The following VPS41 variants were observed in gnomAD, a reference collection of about 807,000 sequenced individuals.
The protein encoded by VPS41 is VPS41 subunit of HOPS complex.
In VPS41, 85 loss-of-function variants were observed where a neutral mutation model predicts 130.9. The observed-to-expected ratio is 0.65, with a 90% CI of 0.55 to 0.78. The LOEUF is 0.78. Among genes scored for constraint, VPS41 ranks in the 30% least tolerant of loss-of-function variants. The probability of loss-of-function intolerance (pLI) is 0.00; values close to 1 mark genes in which losing one functional copy is unlikely to be tolerated. For synonymous variants in VPS41, 335 were observed against 332.9 expected, an observed-to-expected ratio of 1.01 and a Z score of -0.07; for missense variants, 874 against 1,018.7, an observed-to-expected ratio of 0.86 and a Z score of 1.93.
At chr7:38,869,021 A>ATGCT in intron 3 of VPS41, 125 bp downstream of exon 3, 1 of 674,128 alleles carries the variant, frequency 1.5e-6, no homozygotes, top group Non-Finnish European at 2.5e-6. Flanking sequence ...AAGGAGGAAG[A>ATGCT]GAGCAGTGGC....
intron 13 of VPS41, among the ~76,000 whole-genome samples, 156 bp from the exon 14 acceptor site, chr7:38,771,410 C>G (rs1784151720): frequency 6.6e-6 from 1 of 152,058 alleles, no homozygotes; most frequent in South Asian, 2.1e-4. Context: ...CTCCATTTTC[C>G]CATGGCTTTT....
intron 14 of VPS41, among the ~76,000 whole-genome samples, 157 bp downstream of exon 14, chr7:38,771,041 T>A (rs1784143592): frequency 1.3e-5 from 2 of 152,188 alleles, no homozygotes; most frequent in Admixed American, 1.3e-4. Context: ...AAGCAGAAAC[T>A]GATTTGATAA....
intron 4 of VPS41, among the ~76,000 whole-genome samples, chr7:38,841,767 C>T (rs185266281): frequency 6.6e-6 from 1 of 152,210 alleles, no homozygotes; most frequent in Non-Finnish European, 1.5e-5. Flanking sequence ...CCACACCCAG[C>T]TAATTGTTGT....
rs755093971 is a variant in VPS41, at chr7:38,757,008, A to C, written c.1551-26T>G. 3 of 1,535,652 alleles carry C rather than the reference A, an allele frequency of 2.0e-6. No individual in the cohort carries two copies. The African/African-American group carries it at 4.1e-5, about 21-fold the overall frequency. On this transcript the variant is annotated intron_variant, in intron 18 of 28. Transcript: ENST00000310301. ...CTGGTAATACAAATTTTTTACATTA[A>C]TATTCATCAACAGTTCTAATTAAAA... is the stretch of plus-strand genomic sequence containing the variant.
At chr7:38,898,448 A>G (rs1787062808) in intron 1 of VPS41, among the ~76,000 whole-genome samples, 1 of 152,188 alleles carries the variant, frequency 6.6e-6, no homozygotes, top group Admixed American at 6.5e-5. Flanking sequence ...CAGCCTCACT[A>G]ATCTCAGAAG....
chr7:38,726,776 A>G, intron 28 of VPS41, 133 bp downstream of exon 28: 1 of 688,774 alleles, frequency 1.5e-6, no homozygotes, highest in Non-Finnish European at 2.2e-6. Context: ...AATTTTTGTT[A>G]TGTGATATAA....
At chr7:38,741,872 G>A in intron 25 of VPS41, 113 bp downstream of exon 25, 1 of 1,207,384 alleles carries the variant, frequency 8.3e-7, no homozygotes. Flanking sequence ...TAAATAAAAT[G>A]TAACCATAAA....
At chr7:38,786,015 G>A (rs188719962) in intron 10 of VPS41, among the ~76,000 whole-genome samples, 9 of 152,316 alleles carry the variant, frequency 5.9e-5, no homozygotes, top group Admixed American at 4.6e-4. Flanking sequence ...TAGAAAAGGT[G>A]AGCAGCTATC....
intron 6 of VPS41, among the ~76,000 whole-genome samples, chr7:38,819,899 C>T (rs1045515428): frequency 2.0e-5 from 3 of 152,164 alleles, no homozygotes; most frequent in African/African-American, 4.8e-5. Flanking sequence ...ATGGTTATCA[C>T]GTTTGTGTTT....
At chr7:38,845,106 G>A (rs1414777926) in intron 4 of VPS41, among the ~76,000 whole-genome samples, 1 of 152,144 alleles carries the variant, frequency 6.6e-6, no homozygotes, top group African/African-American at 2.4e-5. Flanking sequence ...TCCTTGAGCT[G>A]TTTTCCTTTT....
chr7:38,853,061 C>A (rs117519403), intron 4 of VPS41, among the ~76,000 whole-genome samples: 2 of 152,172 alleles, frequency 1.3e-5, no homozygotes, highest in African/African-American at 4.8e-5. Context: ...ATAATTAACA[C>A]AATATACATG....
At chr7:38,896,032 T>C (rs1210687658) in intron 2 of VPS41, among the ~76,000 whole-genome samples, 2 of 152,192 alleles carry the variant, frequency 1.3e-5, no homozygotes, top group Non-Finnish European at 2.9e-5. Context: ...ATTTTCCCAC[T>C]TGCACTGAAG....
intron 9 of VPS41, among the ~76,000 whole-genome samples, chr7:38,792,420 G>C (rs1784551381): frequency 6.6e-6 from 1 of 152,178 alleles, no homozygotes; most frequent in Non-Finnish European, 1.5e-5. Flanking sequence ...TTTATCAACA[G>C]TCTTTCCCAT....
intron 21 of VPS41, among the ~76,000 whole-genome samples, chr7:38,754,195 G>A (rs1783742433): frequency 6.6e-6 from 1 of 152,156 alleles, no homozygotes; most frequent in African/African-American, 2.4e-5. Flanking sequence ...CAAAAGAAAT[G>A]AGACTCTGCC....
intron 10 of VPS41, among the ~76,000 whole-genome samples, chr7:38,782,849 G>C (rs1308379057): frequency 2.0e-5 from 3 of 152,216 alleles, no homozygotes; most frequent in African/African-American, 7.2e-5. Context: ...GGGTGCGGTG[G>C]CTCACGCCTT....
intron 16 of VPS41, among the ~76,000 whole-genome samples, chr7:38,764,176 G>A (rs1783979907): frequency 6.6e-6 from 1 of 152,198 alleles, no homozygotes; most frequent in African/African-American, 2.4e-5. Flanking sequence ...GTATTGTGTG[G>A]TAAGTGTTAT....
chr7:38,758,262 C>T, intron 18 of VPS41, 92 bp downstream of exon 18: 2 of 1,200,754 alleles, frequency 1.7e-6, no homozygotes, highest in Non-Finnish European at 2.3e-6. Context: ...GTATAAAATA[C>T]ATCTTCTCCA....
intron 4 of VPS41, among the ~76,000 whole-genome samples, chr7:38,853,418 CAAAAAAAAA>C (rs57368681): frequency 9.4e-4 from 74 of 78,924 alleles, no homozygotes; most frequent in Middle Eastern, 0.019. Context: ...GACTCCTTCT[CAAAAAAAAA>C]AAAAAAAAAA....
Position 38,725,598 on chromosome 7 carries a change from T to C in VPS41, c.*648A>G, listed in dbSNP as rs1795521425. The C allele has an allele frequency of 6.6e-6, 1 of 152,246 alleles. No homozygotes were observed. The highest frequency in any genetic ancestry group is 2.4e-5 in the African/African-American group (1 of 41,446). 9.4% of individuals were successfully genotyped at this position (152,246 alleles called of 1,614,324 possible). ...TTATTCAATCAACAAATGCTGAGTG[T>C]CCGCCATGGCCAGATACTCTTTGAC... is the stretch of plus-strand genomic sequence containing the variant. On this transcript the variant is annotated 3_prime_UTR_variant, in exon 29 of 29. Coordinates refer to ENST00000310301, the MANE Select transcript of VPS41 (RefSeq NM_014396.4).
Sources: gnomAD v4.1 joint callset for allele counts (sites outside exome capture counted in the v4.1 genomes callset) on GRCh38, gnomAD v4.1.1 for gene constraint, MANE v1.5 for transcripts, NCBI Gene and HGNC (gene_info 2026-07-23, HGNC 2026-07-21) for gene names.